The following PPEF2 variants were observed in gnomAD, a reference collection of about 807,000 sequenced individuals.
PPEF2 encodes the protein serine/threonine-protein phosphatase with EF-hands 2.
In PPEF2, 84 loss-of-function variants were observed where a neutral mutation model predicts 84.7. The ratio of observed to expected loss-of-function variants is 0.99; its 90% confidence interval spans 0.83 to 1.19. The LOEUF (loss-of-function observed/expected upper bound fraction) is 1.19, where lower values mean the gene tolerates loss of function less well. PPEF2 is among the 50% of genes most tolerant of loss of function. The pLI is 0.00. For missense variants in PPEF2, 924 were observed against 937.5 expected (o/e 0.99, Z 0.19); for synonymous variants, 346 against 345.2 (o/e 1.00, Z -0.03).
chr4:75,864,785 C>T (rs1724089153), intron 15 of PPEF2, among the ~76,000 whole-genome samples: 1 of 152,060 alleles, frequency 6.6e-6, no homozygotes, highest in South Asian at 2.1e-4. Context: ...GTCTGAAATG[C>T]TTGGGACCAG....
intron 16 of PPEF2, among the ~76,000 whole-genome samples, chr4:75,863,106 A>C (rs991478101): frequency 1.3e-5 from 2 of 152,208 alleles, no homozygotes; most frequent in African/African-American, 4.8e-5. Flanking sequence ...ATAGAGACAG[A>C]AAGTAGATTA....
intron 11 of PPEF2, 103 bp downstream of exon 11, chr4:75,876,184 A>AAGCG: frequency 1.4e-6 from 2 of 1,391,984 alleles, no homozygotes; most frequent in Non-Finnish European, 1.9e-6. Context: ...TTACCCCAGA[A>AAGCG]AGAGAAAGAG....
intron 1 of PPEF2, among the ~76,000 whole-genome samples, chr4:75,901,337 G>A (rs950469419): frequency 6.6e-6 from 1 of 152,098 alleles, no homozygotes; most frequent in African/African-American, 2.4e-5. Flanking sequence ...CCAAGATGGT[G>A]AAATCCTATC....
chr4:75,869,854 GA>G (rs11325121), intron 13 of PPEF2, among the ~76,000 whole-genome samples: 148,507 of 150,002 alleles, frequency 0.99, 73,527 homozygotes, highest in Middle Eastern at 1. Context: ...CTCACAAAAA[GA>G]AAAAAAAAAA....
At chr4:75,899,947 C>T (rs894161199) in intron 1 of PPEF2, among the ~76,000 whole-genome samples, 7 of 152,096 alleles carry the variant, frequency 4.6e-5, no homozygotes, top group Non-Finnish European at 7.4e-5. Context: ...TTTTGTTCAC[C>T]TTCTCACTCA....
chr4:75,890,292 C>A (rs1319489869), intron 4 of PPEF2, among the ~76,000 whole-genome samples, 160 bp from the exon 5 acceptor site: 3 of 151,864 alleles, frequency 2.0e-5, no homozygotes, highest in African/African-American at 7.3e-5. Context: ...TTGAGAACAG[C>A]CTAGGCAACA....
chr4:75,883,835 A>G (rs1724644001), intron 8 of PPEF2, among the ~76,000 whole-genome samples: 1 of 151,114 alleles, frequency 6.6e-6, no homozygotes. Flanking sequence ...AAAAAAAAAA[A>G]AAAAAAAATC....
chr4:75,888,057 T>A (rs1724775364), intron 6 of PPEF2, among the ~76,000 whole-genome samples, 157 bp downstream of exon 6: 1 of 152,138 alleles, frequency 6.6e-6, no homozygotes, highest in Non-Finnish European at 1.5e-5. Context: ...CTTTTTTAGG[T>A]AAATGTGGAG....
chr4:75,896,272 T>A lies in PPEF2; in HGVS notation c.54A>T (p.Arg18Ser). 6.2e-7 allele frequency: 1 copy of A among 1,614,028 alleles called. No homozygotes were observed. Among genetic ancestry groups the A allele is most frequent in the Admixed American group, 1.7e-5 (1 of 60,030 alleles). The change falls in exon 2 of 17, where the codon AGA becomes AGT. Residue 18 changes from arginine to serine, a missense_variant and splice_region_variant. Coordinates refer to ENST00000286719, the MANE Select transcript of PPEF2 (RefSeq NM_006239.3). The part of the protein sequence containing the change: ...QHHFAFQNAE[R>S]AFKAAALIQR... ...GTTTGGAAAGTGGGAAACACGTACC[T>A]CTCTCTGCATTCTGGAAAGCAAAAT...
Position 75,866,266 on chromosome 4 carries a change from C to T in PPEF2, c.1843G>A (p.Val615Met). Reference protein sequence around the residue: ...LPWRMLRPQLVNSSADNMLEY... With the variant: ...LPWRMLRPQLMNSSADNMLEY... The stretch of plus-strand genomic sequence containing the variant: ...AGCATGTTGTCTGCTGAGCTGTTCA[C>T]CAGCTGTGGCCTCAGCATCCGCCAT... Residue 615 changes from valine (V) to methionine (M), a missense_variant, in exon 15 of 17, where the codon GTG becomes ATG. Coordinates refer to ENST00000286719, the MANE Select transcript of PPEF2 (RefSeq NM_006239.3). The T allele has an allele frequency of 6.2e-7, 1 of 1,614,172 alleles. No individual in the cohort carries two copies. The highest frequency in any genetic ancestry group is 8.5e-7 in the Non-Finnish European group (1 of 1,180,032).
At chr4:75,885,326 G>A (rs1388889517) in intron 7 of PPEF2, among the ~76,000 whole-genome samples, 1 of 151,948 alleles carries the variant, frequency 6.6e-6, no homozygotes, top group African/African-American at 2.4e-5. Flanking sequence ...ATTTATTTAT[G>A]TTTTAAGAGA....
At position 75,888,277 on chromosome 4, in the gene PPEF2, G is replaced by C; in HGVS notation, c.469C>G (p.Leu157Val). The change falls in exon 6 of 17, where the codon CTG becomes GTG. Residue 157 changes from leucine (L) to valine (V), a missense_variant. Physicochemically the swap from Leu to Val is conservative, Grantham distance 32. Coordinates refer to ENST00000286719, the MANE Select transcript of PPEF2 (RefSeq NM_006239.3). ...CGGTTGATGTTTGGCAGCTGTACCA[G>C]ATGTTTCTTGGTTTCATACAAAAGG... ...LNLLYETKKH[L>V]VQLPNINRVS... is the part of the protein sequence containing the mutation. The C allele has an allele frequency of 6.2e-7, 1 of 1,614,082 alleles. No homozygotes were observed. The highest frequency in any genetic ancestry group is 1.1e-5 in the South Asian group (1 of 91,078).
chr4:75,861,064 G>T, intron 16 of PPEF2, 144 bp from the exon 17 acceptor site: 1 of 995,716 alleles, frequency 1.0e-6, no homozygotes, highest in South Asian at 1.7e-5. Context: ...CTCCCAAGAG[G>T]ATCACACAAA....
At chr4:75,883,327 G>A in intron 8 of PPEF2, 125 bp from the exon 9 acceptor site, 1 of 826,920 alleles carries the variant, frequency 1.2e-6, no homozygotes, top group Non-Finnish European at 2.0e-6. Flanking sequence ...AGAGACTGAG[G>A]AATAATCACC....
intron 2 of PPEF2, among the ~76,000 whole-genome samples, chr4:75,895,983 T>C (rs542555824): frequency 5.3e-4 from 81 of 152,270 alleles, no homozygotes; most frequent in African/African-American, 1.8e-3. Flanking sequence ...CTGGAATGTG[T>C]TTCATCCCCT....
intron 6 of PPEF2, among the ~76,000 whole-genome samples, chr4:75,887,908 C>G (rs761574280): frequency 2.8e-4 from 43 of 152,302 alleles, no homozygotes; most frequent in Admixed American, 1.2e-3. Context: ...AAACCATCTT[C>G]TAACAAGGAG....
chr4:75,888,824 C>T (rs1263259999), intron 5 of PPEF2, among the ~76,000 whole-genome samples: 2 of 152,256 alleles, frequency 1.3e-5, no homozygotes, highest in Non-Finnish European at 2.9e-5. Flanking sequence ...TCATCTTTCG[C>T]TTGGACGATT....
chr4:75,888,151 C>G (rs1724778730), intron 6 of PPEF2, 63 bp downstream of exon 6: 4 of 1,289,752 alleles, frequency 3.1e-6, no homozygotes, highest in African/African-American at 2.9e-5. Flanking sequence ...TCTTGCATCC[C>G]CACACAGGTA....
intron 6 of PPEF2, 46 bp downstream of exon 6, chr4:75,888,165 CATT>C (rs746173002): frequency 8.2e-5 from 111 of 1,360,922 alleles, no homozygotes; most frequent in Middle Eastern, 3.9e-4. Flanking sequence ...ACAGGTAGAG[CATT>C]CTTCTTTGTG....
Sources: gnomAD v4.1 joint callset for allele counts (sites outside exome capture counted in the v4.1 genomes callset) on GRCh38, gnomAD v4.1.1 for gene constraint, MANE v1.5 for transcripts, NCBI Gene and HGNC (gene_info 2026-07-23, HGNC 2026-07-21) for gene names.